TACR1: variants seen among roughly 807,000 people sequenced by gnomAD.
The protein encoded by TACR1 is tachykinin receptor 1.
In TACR1, 25 loss-of-function variants were observed where a neutral mutation model predicts 35.8. The ratio of observed to expected loss-of-function variants is 0.70; its 90% CI spans 0.51 to 0.98. TACR1 has a LOEUF of 0.98. Among genes scored for constraint, TACR1 ranks in the 50% least tolerant of loss-of-function variants. The probability of loss-of-function intolerance (pLI) is 0.00; values close to 1 mark genes in which losing one functional copy is unlikely to be tolerated. For synonymous variants in TACR1, 195 were observed against 206.7 expected (o/e 0.94, Z 0.48); for missense variants, 478 against 522.9 (o/e 0.91, Z 0.84).
Position 75,053,610 on chromosome 2 carries a change from G to C in TACR1, c.730C>G (p.Arg244Gly). ...DRYHEQVSAK[R>G]KVVKMMIVVV... ...TCTGCCTGTCCCCTGCTCACCTTGC[G>C]CTTGGCAGAGACTTGCTCGTGGTAG... Residue 244 changes from arginine to glycine, a missense_variant, in exon 3 of 5, where the codon CGC becomes GGC. By Grantham distance (125) the Arg-to-Gly change is moderately radical (BLOSUM62 -2). Transcript: ENST00000305249. The C allele has an allele frequency of 6.5e-7, 1 of 1,544,326 alleles. No homozygotes were observed. Among genetic ancestry groups the C allele is most frequent in the Non-Finnish European group, 8.7e-7 (1 of 1,146,150 alleles).
intron 2 of TACR1, among the ~76,000 whole-genome samples, chr2:75,100,829 G>C (rs1310495511): frequency 6.6e-6 from 1 of 152,206 alleles, no homozygotes; most frequent in Non-Finnish European, 1.5e-5. Flanking sequence ...AGGAAATTTT[G>C]TGGTTCAGAA....
intron 2 of TACR1, among the ~76,000 whole-genome samples, chr2:75,086,235 A>G (rs1673185740): frequency 1.3e-5 from 2 of 152,118 alleles, no homozygotes; most frequent in Admixed American, 1.3e-4. Context: ...GGAGACTGAG[A>G]GCATAGCCCT....
chr2:75,186,386 A>AAAAG (rs1344259501), intron 1 of TACR1, among the ~76,000 whole-genome samples: 1 of 151,310 alleles, frequency 6.6e-6, no homozygotes, highest in East Asian at 1.9e-4. Context: ...AAAAAAAAAA[A>AAAAG]AAAAAAGAAA....
chr2:75,148,073 G>A (rs908506690), intron 1 of TACR1, among the ~76,000 whole-genome samples: 4 of 152,118 alleles, frequency 2.6e-5, no homozygotes, highest in Non-Finnish European at 5.9e-5. Context: ...TGGCTGCATA[G>A]TATTCCATGG....
At chr2:75,148,114 T>A (rs932460156) in intron 1 of TACR1, among the ~76,000 whole-genome samples, 1 of 152,172 alleles carries the variant, frequency 6.6e-6, no homozygotes, top group African/African-American at 2.4e-5. Flanking sequence ...TTAATCCAGT[T>A]ATCATTGATG....
At chr2:75,171,452 G>C (rs529270889) in intron 1 of TACR1, among the ~76,000 whole-genome samples, 2 of 152,344 alleles carry the variant, frequency 1.3e-5, no homozygotes, top group East Asian at 3.9e-4. Context: ...AGGGAAATGT[G>C]GGGGTGATCC....
intron 2 of TACR1, among the ~76,000 whole-genome samples, chr2:75,114,687 A>T (rs190773353): frequency 1.3e-4 from 20 of 152,330 alleles, no homozygotes; most frequent in Non-Finnish European, 2.2e-4. Flanking sequence ...CTTCAATGGG[A>T]AGAGTCACCT....
intron 2 of TACR1, among the ~76,000 whole-genome samples, chr2:75,077,189 C>G (rs1254252715): frequency 6.6e-6 from 1 of 152,132 alleles, no homozygotes; most frequent in Admixed American, 6.5e-5. Context: ...AGGCTGGTCT[C>G]GAATTCCTGA....
In TACR1 at chr2:75,154,401, A is replaced by AGCGCGCTCGCGTGCGCGCGC. The variant is rs142809732; in HGVS notation, c.390-33634_390-33633insGCGCGCGCACGCGAGCGCGC. ...TGGCCCAGGGAGATAATCAGCCAAG[A>AGCGCGCTCGCGTGCGCGCGC]GCGCGCACGCACACACACACACACA... On this transcript the variant is annotated intron_variant, in intron 1 of 4. Coordinates refer to ENST00000305249, the MANE Select transcript of TACR1 (RefSeq NM_001058.4). 6.9e-3 allele frequency: 526 copies of AGCGCGCTCGCGTGCGCGCGC among 76,390 alleles called. 50 individuals carry two copies. Among genetic ancestry groups the AGCGCGCTCGCGTGCGCGCGC allele is most frequent in the African/African-American group, 0.02 (346 of 17,222 alleles). The allele number at this position is 76,390 out of a possible 1,614,324, so 4.7% of individuals were successfully genotyped here. A position where few individuals can be genotyped will look rare whatever the true frequency, so the allele number is the denominator to read the frequency against.
chr2:75,115,554 C>T (rs1673836053), intron 2 of TACR1, among the ~76,000 whole-genome samples: 1 of 151,990 alleles, frequency 6.6e-6, no homozygotes. Flanking sequence ...ATCTAAAGTC[C>T]ACCAATAAAT....
At chr2:75,168,745 G>T (rs947241761) in intron 1 of TACR1, among the ~76,000 whole-genome samples, 1 of 152,190 alleles carries the variant, frequency 6.6e-6, no homozygotes, top group South Asian at 2.1e-4. Context: ...TTTGCTATCA[G>T]TAATTAAAAA....
chr2:75,139,486 G>A (rs937119673), intron 1 of TACR1, among the ~76,000 whole-genome samples: 7 of 152,216 alleles, frequency 4.6e-5, no homozygotes, highest in African/African-American at 1.7e-4. Flanking sequence ...CAGCCATGAA[G>A]GTATAGCTAT....
intron 1 of TACR1, chr2:75,187,420 T>C (rs140238921): frequency 6.6e-6 from 1 of 152,158 alleles, no homozygotes; most frequent in Non-Finnish European, 1.5e-5. Context: ...CCTGGGACTA[T>C]TTTTTGAAAG....
intron 2 of TACR1, among the ~76,000 whole-genome samples, chr2:75,061,687 G>A (rs1280964862): frequency 6.6e-6 from 1 of 152,142 alleles, no homozygotes; most frequent in Non-Finnish European, 1.5e-5. Flanking sequence ...TCGTGATGGG[G>A]TGACCAATCA....
At chr2:75,067,500 T>C (rs28616605) in intron 2 of TACR1, among the ~76,000 whole-genome samples, 36,675 of 152,084 alleles carry the variant, frequency 0.24, 5,571 homozygotes, top group African/African-American at 0.4. Flanking sequence ...TGGTCCCTGC[T>C]TTTGAGATGC....
At chr2:75,051,504 C>T in intron 3 of TACR1, 57 bp from the exon 4 acceptor site, 2 of 1,599,262 alleles carry the variant, frequency 1.3e-6, no homozygotes, top group East Asian at 4.5e-5. Flanking sequence ...CTCACGGCTG[C>T]TTCCTCTCTC....
chr2:75,089,957 T>C (rs149478163), intron 2 of TACR1, among the ~76,000 whole-genome samples: 622 of 152,296 alleles, frequency 4.1e-3, no homozygotes, highest in Non-Finnish European at 5.9e-3. Context: ...ACCATCTTAA[T>C]CTTCATCAAA....
chr2:75,167,125 G>A (rs183558794), intron 1 of TACR1, among the ~76,000 whole-genome samples: 70 of 152,270 alleles, frequency 4.6e-4, no homozygotes, highest in African/African-American at 1.6e-3. Flanking sequence ...CAGGACATCT[G>A]TATGAGAAAT....
intron 1 of TACR1, among the ~76,000 whole-genome samples, chr2:75,129,785 C>G (rs984345567): frequency 3.3e-5 from 5 of 152,190 alleles, no homozygotes; most frequent in Non-Finnish European, 7.3e-5. Context: ...CCTCCTCTTT[C>G]CCCAAGTGGT....
Sources: gnomAD v4.1 joint callset for allele counts (sites outside exome capture counted in the v4.1 genomes callset) on GRCh38, gnomAD v4.1.1 for gene constraint, MANE v1.5 for transcripts, NCBI Gene and HGNC (gene_info 2026-07-23, HGNC 2026-07-21) for gene names.